The following KLHL1 variants were observed in gnomAD, a reference collection of about 807,000 sequenced individuals.
The protein encoded by KLHL1 is kelch like family member 1, also known as kelch-like protein 1.
A neutral mutation model predicts 77.7 loss-of-function variants in KLHL1; 47 were observed. That is an observed-to-expected ratio of 0.60 (90% CI 0.48 to 0.77). The LOEUF is 0.77. Among genes scored for constraint, KLHL1 ranks in the 30% least tolerant of loss-of-function variants. KLHL1 has a pLI of 0.00. For synonymous variants in KLHL1, 360 were observed against 325.2 expected (o/e 1.11, Z -1.15); for missense variants, 925 against 910.8 (o/e 1.02, Z -0.20).
intron 7 of KLHL1, among the ~76,000 whole-genome samples, chr13:69,789,059 CTATCTACT>C (rs1876726318): frequency 1.4e-5 from 2 of 140,132 alleles, no homozygotes; most frequent in African/African-American, 5.1e-5. Flanking sequence ...ATCTATCTAT[CTATCTACT>C]TATTTACCTA....
chr13:69,719,710 A>G (rs1872955775), intron 8 of KLHL1, 129 bp from the exon 9 acceptor site: 1 of 661,480 alleles, frequency 1.5e-6, no homozygotes, highest in Non-Finnish European at 2.6e-6. Context: ...CTTTGCAGGG[A>G]GATTTTGTTA....
At chr13:69,887,412 G>A (rs978293409) in intron 4 of KLHL1, among the ~76,000 whole-genome samples, 2 of 152,052 alleles carry the variant, frequency 1.3e-5, no homozygotes, top group Non-Finnish European at 2.9e-5. Flanking sequence ...TTTTACAACA[G>A]GGCCAGGCTG....
chr13:69,759,660 T>C (rs544928740), intron 7 of KLHL1, among the ~76,000 whole-genome samples: 1 of 152,338 alleles, frequency 6.6e-6, no homozygotes, highest in East Asian at 1.9e-4. Flanking sequence ...CATCTTCTAG[T>C]TACCTGCTTC....
rs559165709 is a variant in KLHL1 at position 69,897,770 on chromosome 13, T to C, written c.1015-15275A>G. Among the ~76,000 whole-genome samples, 19 of 152,268 alleles carry C rather than the reference T, an allele frequency of 1.2e-4. No individual in the cohort carries two copies. The South Asian group carries it at 3.7e-3, about 30-fold the overall frequency. ...ACTGCTGCCACTGAATAACATGTCT[T>C]GTAGTGTTTATAGAAGCCCTGCAAG... On this transcript the variant is annotated intron_variant, in intron 4 of 10. Transcript: ENST00000377844.
chr13:69,714,569 TTTTTATTTTA>T (rs538358988), intron 9 of KLHL1, among the ~76,000 whole-genome samples: 1 of 151,732 alleles, frequency 6.6e-6, no homozygotes, highest in Non-Finnish European at 1.5e-5. Flanking sequence ...ATCCAAATTA[TTTTTATTTTA>T]TTTTATTTTA....
At chr13:69,916,877 T>C (rs946912934) in intron 4 of KLHL1, among the ~76,000 whole-genome samples, 72 of 151,988 alleles carry the variant, frequency 4.7e-4, no homozygotes, top group Admixed American at 4.7e-3. Context: ...AAGAATCTTA[T>C]CAGAATATTG....
chr13:69,780,717 T>TATATAC (rs1876121173), intron 7 of KLHL1, among the ~76,000 whole-genome samples: 13 of 35,484 alleles, frequency 3.7e-4, no homozygotes, highest in East Asian at 1.3e-3. Context: ...TATATATATG[T>TATATAC]ATATATATAT....
intron 1 of KLHL1, among the ~76,000 whole-genome samples, chr13:69,985,207 T>A (rs2137304852): frequency 6.6e-6 from 1 of 152,086 alleles, no homozygotes; most frequent in Admixed American, 6.6e-5. Flanking sequence ...TGGGAGAAAA[T>A]ATTTGCAAAC....
intron 6 of KLHL1, among the ~76,000 whole-genome samples, chr13:69,806,899 T>A (rs1479627771): frequency 6.6e-6 from 1 of 152,080 alleles, no homozygotes; most frequent in African/African-American, 2.4e-5. Context: ...CAACCTCTGG[T>A]AGGGTACTTG....
At chr13:69,740,278 A>G (rs1287127941) in intron 8 of KLHL1, 116 bp downstream of exon 8, 13 of 730,374 alleles carry the variant, frequency 1.8e-5, no homozygotes, top group Non-Finnish European at 8.4e-6. Flanking sequence ...AAAAATATCA[A>G]CAGCTTAAAA....
At chr13:70,068,873 C>A (rs956957770) in intron 1 of KLHL1, among the ~76,000 whole-genome samples, 3 of 152,112 alleles carry the variant, frequency 2.0e-5, no homozygotes, top group Admixed American at 1.3e-4. Context: ...AGGAGGCACA[C>A]TTTCCTGAGT....
At chr13:69,744,662 C>G (rs190193156) in intron 7 of KLHL1, among the ~76,000 whole-genome samples, 4 of 151,644 alleles carry the variant, frequency 2.6e-5, no homozygotes, top group African/African-American at 9.7e-5. Flanking sequence ...AGGTACACCC[C>G]CCCCAAAAGC....
rs539663375 is a variant in KLHL1, at chr13:69,723,106, T to A, written c.1803-3525A>T. On this transcript the variant is annotated intron_variant, in intron 8 of 10. Coordinates refer to ENST00000377844, the MANE Select transcript of KLHL1 (RefSeq NM_020866.3). Reference sequence around the variant, plus strand: ...CAAATACCACATTATCTCACTCACATGTATACTCTAAAAAGAATGTCTCAT... The same window carrying A: ...CAAATACCACATTATCTCACTCACAAGTATACTCTAAAAAGAATGTCTCAT... Among the ~76,000 whole-genome samples, 301 of 152,174 alleles carry A rather than the reference T, an allele frequency of 2.0e-3. 2 individuals are homozygous for A. The highest frequency in any genetic ancestry group is 7.0e-3 in the African/African-American group (289 of 41,542).
At chr13:69,816,755 C>G (rs1352206550) in intron 6 of KLHL1, among the ~76,000 whole-genome samples, 1 of 152,024 alleles carries the variant, frequency 6.6e-6, no homozygotes, top group African/African-American at 2.4e-5. Flanking sequence ...AGTTAGCTAC[C>G]TTTTTATGGC....
chr13:69,701,780 C>T lies in KLHL1; in HGVS notation c.2188-19G>A, dbSNP rs753605236. ...AAGCCATCTGTTAAAAAAGATGAAA[C>T]ACAACTTAAGACAAGTTTTCATAGA... On this transcript the variant is annotated intron_variant, in intron 10 of 10. Transcript: ENST00000377844. The T allele has an allele frequency of 1.3e-6, 2 of 1,576,542 alleles. No homozygotes were observed. Among genetic ancestry groups the T allele is most frequent in the Admixed American group, 1.8e-5 (1 of 57,132 alleles).
In KLHL1 at chr13:70,000,591, T is replaced by G. The variant is rs114181697; in HGVS notation, c.498-24789A>C. 6.0e-3 allele frequency among the ~76,000 whole-genome samples: 905 copies of G among 151,968 alleles called. 9 individuals carry two copies. Among genetic ancestry groups the G allele is most frequent in the Admixed American group, 0.024 (358 of 15,196 alleles). On this transcript the variant is annotated intron_variant, in intron 1 of 10. Coordinates refer to ENST00000377844, the MANE Select transcript of KLHL1 (RefSeq NM_020866.3). The stretch of plus-strand genomic sequence containing the variant: ...TACATTACATAACAAATAAGTGACA[T>G]GAAATACATTCTCTGACCACAATGC...
intron 8 of KLHL1, among the ~76,000 whole-genome samples, chr13:69,738,748 TG>T (rs1272899368): frequency 1.3e-5 from 2 of 152,086 alleles, no homozygotes; most frequent in African/African-American, 4.8e-5. Flanking sequence ...ACTATGAGAC[TG>T]TGCTTAAAGA....
At chr13:70,072,576 A>C (rs1887161282) in intron 1 of KLHL1, among the ~76,000 whole-genome samples, 1 of 152,096 alleles carries the variant, frequency 6.6e-6, no homozygotes, top group African/African-American at 2.4e-5. Context: ...AAAATGTATA[A>C]CAATAATTAT....
chr13:70,012,557 G>A (rs551563875), intron 1 of KLHL1, among the ~76,000 whole-genome samples: 2 of 152,136 alleles, frequency 1.3e-5, no homozygotes, highest in Admixed American at 1.3e-4. Context: ...CTATTTGAAT[G>A]GTAGTACCTA....
Sources: allele counts gnomAD v4.1 joint callset (sites outside exome capture counted in the v4.1 genomes callset), GRCh38; gene constraint gnomAD v4.1.1; transcripts MANE v1.5; gene names NCBI Gene and HGNC (gene_info 2026-07-23, HGNC 2026-07-21).